CBLB: variants seen among roughly 807,000 people sequenced by gnomAD.
The protein encoded by CBLB is Cbl proto-oncogene B.
CBLB carries 31 observed loss-of-function variants against 104.9 expected under a neutral mutation model. That is an observed-to-expected ratio of 0.30 (90% CI 0.22 to 0.40). CBLB has a LOEUF of 0.40. Ranked by LOEUF, CBLB falls within the 10% of genes least tolerant of loss-of-function variation. CBLB has a pLI of 1.00. For synonymous variants in CBLB, 440 were observed against 422.6 expected (o/e 1.04, Z -0.51); for missense variants, 1,062 against 1,214.6 (o/e 0.87, Z 1.87).
intron 3 of CBLB, among the ~76,000 whole-genome samples, chr3:105,817,509 C>T (rs1027709059): frequency 1.3e-5 from 2 of 152,028 alleles, no homozygotes; most frequent in Admixed American, 1.3e-4. Flanking sequence ...GAGGAATGCA[C>T]ATTAAGTAGT....
intron 17 of CBLB, chr3:105,671,007 ATG>A (rs2065006106): frequency 5.7e-6 from 1 of 176,730 alleles, no homozygotes; most frequent in African/African-American, 2.4e-5. Context: ...ATACAGTAAA[ATG>A]TGATAATTTA....
intron 2 of CBLB, among the ~76,000 whole-genome samples, chr3:105,855,004 T>C (rs2091428371): frequency 6.6e-6 from 1 of 152,170 alleles, no homozygotes; most frequent in African/African-American, 2.4e-5. Context: ...GTGGGTATTT[T>C]TGGAATCTGG....
At chr3:105,708,643 T>G (rs1355078846) in intron 10 of CBLB, among the ~76,000 whole-genome samples, 1 of 152,002 alleles carries the variant, frequency 6.6e-6, no homozygotes, top group Non-Finnish European at 1.5e-5. Flanking sequence ...ATTGCTTATA[T>G]TTAAATTTCA....
intron 18 of CBLB, among the ~76,000 whole-genome samples, chr3:105,665,644 T>C (rs1441296721): frequency 6.8e-6 from 1 of 147,770 alleles, no homozygotes; most frequent in East Asian, 1.9e-4. Flanking sequence ...ATATAAAATA[T>C]ACATTATTAA....
At chr3:105,727,775 C>T (rs989746211) in intron 9 of CBLB, among the ~76,000 whole-genome samples, 31 of 152,118 alleles carry the variant, frequency 2.0e-4, no homozygotes, top group South Asian at 1.7e-3. Flanking sequence ...AGCCAGTTTT[C>T]CCAACACCGT....
At chr3:105,799,177 C>CAAAAAAAAAA (rs11372400) in intron 3 of CBLB, among the ~76,000 whole-genome samples, 2 of 70,182 alleles carry the variant, frequency 2.8e-5, no homozygotes, top group African/African-American at 9.2e-5. Context: ...TGACAAAGAA[C>CAAAAAAAAAA]AAAAAAAAAA....
intron 6 of CBLB, 88 bp downstream of exon 6, chr3:105,745,829 C>G (rs181254088): frequency 2.5e-6 from 3 of 1,183,542 alleles, no homozygotes; most frequent in Non-Finnish European, 1.3e-6. Context: ...ATGCCATCAG[C>G]GGGTATTGCT....
At chr3:105,675,379 G>A (rs915348524) in intron 17 of CBLB, among the ~76,000 whole-genome samples, 1 of 152,124 alleles carries the variant, frequency 6.6e-6, no homozygotes, top group South Asian at 2.1e-4. Flanking sequence ...TTCTTAGGGA[G>A]AACTGCTATA....
At chr3:105,785,736 C>G (rs566014839) in intron 3 of CBLB, among the ~76,000 whole-genome samples, 1 of 152,168 alleles carries the variant, frequency 6.6e-6, no homozygotes, top group East Asian at 1.9e-4. Context: ...TCGTGCAATA[C>G]TAACAGAGAA....
chr3:105,816,411 T>G (rs1577455347), intron 3 of CBLB, among the ~76,000 whole-genome samples: 1 of 152,172 alleles, frequency 6.6e-6, no homozygotes, highest in African/African-American at 2.4e-5. Flanking sequence ...ATTTCAAATT[T>G]AGCACTTAAG....
Position 105,834,790 on chromosome 3 carries a change from A to G in CBLB, c.419+18624T>C, listed in dbSNP as rs1443517632. On this transcript the variant is annotated intron_variant, in intron 3 of 18. Coordinates refer to ENST00000394030, the MANE Select transcript of CBLB (RefSeq NM_170662.5). ...TGAAGGACTAGGTTAAACTCCGACA[A>G]TAAGAGCACAGATTTATCATAGGGA... Among the ~76,000 whole-genome samples the G allele has an allele frequency of 2.6e-5, 4 of 152,252 alleles. No homozygotes were observed. The East Asian group carries it at 7.7e-4, about 29-fold the overall frequency.
At chr3:105,785,362 A>T (rs1452983502) in intron 3 of CBLB, among the ~76,000 whole-genome samples, 1 of 152,218 alleles carries the variant, frequency 6.6e-6, no homozygotes, top group Non-Finnish European at 1.5e-5. Flanking sequence ...CTGAAGTTTG[A>T]CTTTCAATTA....
At chr3:105,775,716 G>GC (rs1458686540) in intron 4 of CBLB, among the ~76,000 whole-genome samples, 1 of 152,156 alleles carries the variant, frequency 6.6e-6, no homozygotes, top group African/African-American at 2.4e-5. Flanking sequence ...TATAAATTAT[G>GC]CTGACCTTAG....
intron 9 of CBLB, among the ~76,000 whole-genome samples, chr3:105,726,645 C>T (rs1397574973): frequency 6.6e-6 from 1 of 151,646 alleles, no homozygotes; most frequent in Non-Finnish European, 1.5e-5. Flanking sequence ...TGGTGGTTAG[C>T]TGCACCTATC....
At chr3:105,830,235 T>G (rs1053927877) in intron 3 of CBLB, among the ~76,000 whole-genome samples, 4 of 150,116 alleles carry the variant, frequency 2.7e-5, no homozygotes, top group African/African-American at 9.7e-5. Flanking sequence ...AATAAATAAA[T>G]AAAGCCACGT....
chr3:105,709,604 A>C (rs909024169), intron 10 of CBLB, among the ~76,000 whole-genome samples: 1 of 151,954 alleles, frequency 6.6e-6, no homozygotes, highest in South Asian at 2.1e-4. Flanking sequence ...TCATGAATAT[A>C]ATTTTAAAGT....
At chr3:105,767,657 T>G (rs1222460524) in intron 4 of CBLB, among the ~76,000 whole-genome samples, 1 of 151,666 alleles carries the variant, frequency 6.6e-6, no homozygotes, top group African/African-American at 2.4e-5. Context: ...TTTGGACCAC[T>G]TTTAAAGGTT....
At chr3:105,839,199 A>G (rs2089150298) in intron 3 of CBLB, among the ~76,000 whole-genome samples, 1 of 152,248 alleles carries the variant, frequency 6.6e-6, no homozygotes, top group Admixed American at 6.5e-5. Flanking sequence ...TCTGTATTTA[A>G]TAATCATTTC....
chr3:105,829,181 A>G (rs1367889823), intron 3 of CBLB, among the ~76,000 whole-genome samples: 1 of 152,210 alleles, frequency 6.6e-6, no homozygotes, highest in Admixed American at 6.5e-5. Flanking sequence ...CCCAGTTCAT[A>G]TAGCTCCTAA....
Sources: gnomAD v4.1 joint callset for allele counts (sites outside exome capture counted in the v4.1 genomes callset) on GRCh38, gnomAD v4.1.1 for gene constraint, MANE v1.5 for transcripts, NCBI Gene and HGNC (gene_info 2026-07-23, HGNC 2026-07-21) for gene names.